Variants in CACNB2 observed in about 807,000 individuals in gnomAD.
The protein encoded by CACNB2 is voltage-dependent L-type calcium channel subunit beta-2.
A neutral mutation model predicts 73.3 loss-of-function variants in CACNB2; 42 were observed. The observed-to-expected ratio is 0.57, with a 90% confidence interval of 0.45 to 0.74. CACNB2 has a LOEUF of 0.74. Ranked by LOEUF, CACNB2 falls within the 30% of genes least tolerant of loss-of-function variation. The pLI, the probability that CACNB2 is intolerant of heterozygous loss-of-function variation, is 0.00. For missense variants in CACNB2, 940 were observed against 853.0 expected (o/e 1.10, Z -1.27); for synonymous variants, 348 against 310.3 (o/e 1.12, Z -1.28).
intron 9 of CACNB2, among the ~76,000 whole-genome samples, chr10:18,524,585 G>A (rs1439128756): frequency 4.0e-5 from 6 of 151,356 alleles, no homozygotes; most frequent in African/African-American, 1.5e-4. Flanking sequence ...AACCCAGGAG[G>A]CGGAGATTGC....
chr10:18,365,180 C>T (rs535191607), intron 2 of CACNB2, among the ~76,000 whole-genome samples: 1 of 152,108 alleles, frequency 6.6e-6, no homozygotes, highest in Non-Finnish European at 1.5e-5. Context: ...TTTTGCTAAC[C>T]ACTGTATTGT....
chr10:18,425,059 A>G (rs983934163), intron 3 of CACNB2, among the ~76,000 whole-genome samples: 3 of 152,206 alleles, frequency 2.0e-5, no homozygotes, highest in African/African-American at 4.8e-5. Flanking sequence ...CACTCATACT[A>G]TCACTGTAGG....
chr10:18,401,603 A>G (rs2044000880), intron 2 of CACNB2, among the ~76,000 whole-genome samples: 1 of 152,050 alleles, frequency 6.6e-6, no homozygotes, highest in African/African-American at 2.4e-5. Context: ...TATCCTTGAA[A>G]CCCATCGTTG....
intron 3 of CACNB2, among the ~76,000 whole-genome samples, chr10:18,420,089 T>C (rs2045238250): frequency 1.3e-5 from 2 of 152,212 alleles, no homozygotes; most frequent in Non-Finnish European, 2.9e-5. Context: ...CCAGCCAGTT[T>C]GGCCTTATCT....
chr10:18,195,618 C>T (rs147963180), intron 2 of CACNB2, among the ~76,000 whole-genome samples: 20 of 152,334 alleles, frequency 1.3e-4, no homozygotes, highest in African/African-American at 3.8e-4. Flanking sequence ...CTGGGATGCA[C>T]GTGCCAAGAA....
intron 2 of CACNB2, among the ~76,000 whole-genome samples, chr10:18,384,872 G>A (rs561500617): frequency 6.6e-6 from 1 of 152,028 alleles, no homozygotes; most frequent in African/African-American, 2.4e-5. Context: ...CTGGCTGCTG[G>A]TTCCTCAGTT....
chr10:18,522,707 G>A lies in CACNB2; in HGVS notation c.944+3739G>A, dbSNP rs543135238. On this transcript the variant is annotated intron_variant, in intron 9 of 13. Transcript: ENST00000324631. ...GGCTTCGCCAACATGGTGAAACCTC[G>A]TCTCTACTAAAGATAAGAAAATTAG... Among the ~76,000 whole-genome samples the A allele has an allele frequency of 3.5e-4, 53 of 151,926 alleles. No homozygotes were observed. The East Asian group carries it at 9.3e-3, about 27-fold the overall frequency.
At chr10:18,477,671 G>A (rs2048506973) in intron 3 of CACNB2, among the ~76,000 whole-genome samples, 1 of 152,194 alleles carries the variant, frequency 6.6e-6, no homozygotes, top group African/African-American at 2.4e-5. Context: ...GGGGAAGAGT[G>A]GGCTGCAGAG....
intron 2 of CACNB2, chr10:18,261,995 C>G (rs756957813): frequency 1.9e-6 from 1 of 518,900 alleles, no homozygotes; most frequent in Non-Finnish European, 3.8e-6. Flanking sequence ...CGACCAGCTC[C>G]GAGCAAGCGC....
chr10:18,356,719 C>T (rs1259028255), intron 2 of CACNB2, among the ~76,000 whole-genome samples: 1 of 151,960 alleles, frequency 6.6e-6, no homozygotes, highest in Admixed American at 6.6e-5. Context: ...CAGCCTTGAC[C>T]TCGAGGGCTC....
intron 2 of CACNB2, among the ~76,000 whole-genome samples, chr10:18,286,517 C>CAAAAAAAAA (rs770589594): frequency 1.2e-4 from 7 of 57,328 alleles, no homozygotes; most frequent in Admixed American, 2.9e-4. Flanking sequence ...GATTCTGTCT[C>CAAAAAAAAA]AAAAAAAAAA....
intron 9 of CACNB2, among the ~76,000 whole-genome samples, chr10:18,523,443 AT>A (rs2052127349): frequency 1.3e-5 from 2 of 151,332 alleles, no homozygotes; most frequent in Admixed American, 6.6e-5. Flanking sequence ...GATTGGTTTT[AT>A]TTAAGAAACA....
rs2043274934 is a variant in CACNB2, at chr10:18,387,250, A to G, written c.214-14674A>G. On this transcript the variant is annotated intron_variant, in intron 2 of 13. Transcript: ENST00000324631. ...ACAGCCTAAATATCTATTTCCCTTT[A>G]GAAGCTTCTTCTGAGTCCCATCTTC... is the stretch of plus-strand genomic sequence containing the variant. Among the ~76,000 whole-genome samples the G allele has an allele frequency of 4.6e-5, 7 of 152,266 alleles. No homozygotes were observed. In the South Asian group the frequency reaches 1.5e-3, roughly 32 times the overall value.
In CACNB2 at chr10:18,539,453, A is replaced by AGGAAGATTATTCCCAT; in HGVS notation, c.1714_1729dup (p.Asp577GlyfsTer6). 4 of 1,614,040 alleles carry AGGAAGATTATTCCCAT rather than the reference A, an allele frequency of 2.5e-6. No homozygotes were observed. The highest frequency in any genetic ancestry group is 3.4e-6 in the Non-Finnish European group (4 of 1,180,006). On this transcript the variant is annotated frameshift_variant, in exon 14 of 14. Coordinates refer to ENST00000324631, the MANE Select transcript of CACNB2 (RefSeq NM_201596.3). LOFTEE classifies it high-confidence loss of function. ...CGAGACTCTGCCTACGTAGAGCCAA[A>AGGAAGATTATTCCCAT]GGAAGATTATTCCCATGACCACGTG...
intron 2 of CACNB2, among the ~76,000 whole-genome samples, chr10:18,315,113 C>A (rs1266668082): frequency 6.6e-6 from 1 of 152,120 alleles, no homozygotes; most frequent in Non-Finnish European, 1.5e-5. Flanking sequence ...CGGCCGATGA[C>A]CTGAGGTCAG....
chr10:18,531,201 C>T (rs912515341), intron 10 of CACNB2, among the ~76,000 whole-genome samples: 24 of 152,196 alleles, frequency 1.6e-4, no homozygotes, highest in Admixed American at 7.9e-4. Context: ...TCTGTTATTA[C>T]AGTATTTTTT....
intron 2 of CACNB2, among the ~76,000 whole-genome samples, chr10:18,234,641 A>G (rs900187314): frequency 6.6e-6 from 1 of 152,192 alleles, no homozygotes; most frequent in Non-Finnish European, 1.5e-5. Flanking sequence ...GCTTGATTCC[A>G]TTTACTTGAG....
Position 18,396,546 on chromosome 10 carries a change from C to T in CACNB2, c.214-5378C>T, listed in dbSNP as rs2043722557. Among the ~76,000 whole-genome samples, 3 of 152,164 alleles carry T rather than the reference C, an allele frequency of 2.0e-5. No individual in the cohort carries two copies. The South Asian group carries it at 6.2e-4, about 32-fold the overall frequency. ...AGTGCAGTGGCACAGTCTCAGCTCA[C>T]TGCAACCTCCACCTCCAGGGTTCAA... On this transcript the variant is annotated intron_variant, in intron 2 of 13. Coordinates refer to ENST00000324631, the MANE Select transcript of CACNB2 (RefSeq NM_201596.3).
chr10:18,484,120 A>T (rs1192098493), intron 3 of CACNB2, among the ~76,000 whole-genome samples: 2 of 152,338 alleles, frequency 1.3e-5, no homozygotes, highest in Admixed American at 1.3e-4. Context: ...AAGGCCAGGC[A>T]CAGTGGCTCA....
Sources: allele counts gnomAD v4.1 joint callset (sites outside exome capture counted in the v4.1 genomes callset), GRCh38; gene constraint gnomAD v4.1.1; transcripts MANE v1.5; gene names NCBI Gene and HGNC (gene_info 2026-07-23, HGNC 2026-07-21).